CAMK4: variants seen among roughly 807,000 people sequenced by gnomAD.
CAMK4 encodes calcium/calmodulin dependent protein kinase IV.
CAMK4 carries 22 observed loss-of-function variants against 44.9 expected under a neutral mutation model. That is an observed-to-expected ratio of 0.49 (90% CI 0.35 to 0.70). The LOEUF (loss-of-function observed/expected upper bound fraction) is 0.70. CAMK4 is among the 30% of genes least tolerant of loss of function. The pLI, the probability that CAMK4 is intolerant of heterozygous loss-of-function variation, is 0.01. For synonymous variants in CAMK4, 218 were observed against 215.4 expected, an observed-to-expected ratio of 1.01 and a Z score of -0.11; for missense variants, 498 against 586.8, an observed-to-expected ratio of 0.85 and a Z score of 1.56.
At chr5:111,449,260 T>C (rs1232988986) in intron 7 of CAMK4, 57 bp downstream of exon 7, 2 of 802,194 alleles carry the variant, frequency 2.5e-6, no homozygotes. Context: ...GTATTTTTGT[T>C]TAGCAATCTC....
rs1028647736 is a variant in CAMK4, at chr5:111,270,704, T to C, written c.161+46060T>C. On this transcript the variant is annotated intron_variant, in intron 1 of 10. Coordinates refer to ENST00000282356, the MANE Select transcript of CAMK4 (RefSeq NM_001744.6). The stretch of plus-strand genomic sequence containing the variant: ...AAGTATTCCCCAATTCTATTCTTCA[T>C]GTCACCAGCCTGACAAAACTTCAAT... 5.3e-5 allele frequency among the ~76,000 whole-genome samples: 8 copies of C among 152,352 alleles called. No homozygotes were observed. In the South Asian group the frequency reaches 8.3e-4, roughly 16 times the overall value.
intron 9 of CAMK4, among the ~76,000 whole-genome samples, chr5:111,480,781 A>G (rs1467694685): frequency 1.3e-5 from 2 of 152,110 alleles, no homozygotes; most frequent in Admixed American, 6.5e-5. Context: ...ATATCAACTA[A>G]CTTAATAATA....
chr5:111,226,382 G>A (rs1410706915), intron 1 of CAMK4, among the ~76,000 whole-genome samples: 1 of 152,192 alleles, frequency 6.6e-6, no homozygotes, highest in Non-Finnish European at 1.5e-5. Flanking sequence ...ATTACGTGTT[G>A]CAGTAAATTT....
intron 1 of CAMK4, among the ~76,000 whole-genome samples, chr5:111,337,127 C>G (rs1749439643): frequency 6.6e-6 from 1 of 151,178 alleles, no homozygotes; most frequent in Non-Finnish European, 1.5e-5. Context: ...CAATCCCTCT[C>G]CAACCTGTGA....
chr5:111,332,059 A>G (rs1749189121), intron 1 of CAMK4, among the ~76,000 whole-genome samples: 1 of 151,500 alleles, frequency 6.6e-6, no homozygotes, highest in Admixed American at 6.6e-5. Context: ...GCTCACACCC[A>G]CACAATTTAA....
intron 1 of CAMK4, among the ~76,000 whole-genome samples, chr5:111,267,319 T>C (rs1750291829): frequency 6.6e-6 from 1 of 152,222 alleles, no homozygotes; most frequent in Non-Finnish European, 1.5e-5. Flanking sequence ...TTTCCTATTA[T>C]GTATATATTA....
intron 1 of CAMK4, among the ~76,000 whole-genome samples, chr5:111,261,283 C>T (rs752851706): frequency 3.9e-5 from 6 of 152,206 alleles, no homozygotes; most frequent in Admixed American, 3.3e-4. Flanking sequence ...CCTCTGTCGT[C>T]TTCCATCTTT....
At chr5:111,248,758 C>G (rs1434249267) in intron 1 of CAMK4, among the ~76,000 whole-genome samples, 1 of 152,056 alleles carries the variant, frequency 6.6e-6, no homozygotes, top group Non-Finnish European at 1.5e-5. Flanking sequence ...TGTAATATAT[C>G]AGTAATGTCA....
At chr5:111,422,201 A>G (rs1260543880) in intron 5 of CAMK4, among the ~76,000 whole-genome samples, 4 of 152,244 alleles carry the variant, frequency 2.6e-5, no homozygotes, top group African/African-American at 9.6e-5. Flanking sequence ...CCTTGCAGAA[A>G]TATGACACAA....
At chr5:111,463,585 C>A (rs115021810) in intron 7 of CAMK4, among the ~76,000 whole-genome samples, 4,242 of 152,284 alleles carry the variant, frequency 0.028, 200 homozygotes, top group African/African-American at 0.096. Flanking sequence ...CTCACAGAGT[C>A]CATTTCACTT....
chr5:111,448,869 T>C (rs1293287474), intron 6 of CAMK4, among the ~76,000 whole-genome samples: 2 of 152,122 alleles, frequency 1.3e-5, no homozygotes, highest in East Asian at 3.9e-4. Flanking sequence ...AAGCGGGGAA[T>C]TGTACAGAAG....
At chr5:111,409,755 T>C (rs554603527) in intron 5 of CAMK4, among the ~76,000 whole-genome samples, 1 of 152,316 alleles carries the variant, frequency 6.6e-6, no homozygotes, top group South Asian at 2.1e-4. Flanking sequence ...TCTCTCAAGT[T>C]CAAGGTTCCA....
chr5:111,401,211 C>A (rs993165198), intron 5 of CAMK4, among the ~76,000 whole-genome samples: 1 of 151,922 alleles, frequency 6.6e-6, no homozygotes, highest in Admixed American at 6.6e-5. Flanking sequence ...TGATCTTGGC[C>A]CACTGCAAGC....
At chr5:111,309,421 A>G (rs1337140385) in intron 1 of CAMK4, among the ~76,000 whole-genome samples, 1 of 152,150 alleles carries the variant, frequency 6.6e-6, no homozygotes, top group Non-Finnish European at 1.5e-5. Flanking sequence ...CCTCTCAAGG[A>G]GCCCTGGCCA....
rs560988142 is a variant in CAMK4, at chr5:111,314,618, G to A, written c.162-29406G>A. The stretch of plus-strand genomic sequence containing the variant: ...TAGTTAAAAATGTGCAGAAGCTAAT[G>A]AACCAATTAATTAGTTCCCACCAAT... On this transcript the variant is annotated intron_variant, in intron 1 of 10. Coordinates refer to ENST00000282356, the MANE Select transcript of CAMK4 (RefSeq NM_001744.6). 2.9e-3 allele frequency among the ~76,000 whole-genome samples: 440 copies of A among 152,134 alleles called. 2 individuals are homozygous for A. The highest frequency in any genetic ancestry group is 0.01 in the African/African-American group (427 of 41,542).
intron 4 of CAMK4, among the ~76,000 whole-genome samples, chr5:111,381,287 C>G (rs1751402507): frequency 6.6e-6 from 1 of 152,092 alleles, no homozygotes; most frequent in African/African-American, 2.4e-5. Flanking sequence ...CTCACGCAGT[C>G]ACAAGGTGAA....
At chr5:111,371,445 C>T (rs996455280) in intron 2 of CAMK4, among the ~76,000 whole-genome samples, 1 of 152,186 alleles carries the variant, frequency 6.6e-6, no homozygotes, top group Non-Finnish European at 1.5e-5. Context: ...CTTTCACTAT[C>T]TTCTGATAAC....
At chr5:111,425,589 G>C (rs940552718) in intron 5 of CAMK4, among the ~76,000 whole-genome samples, 6 of 152,180 alleles carry the variant, frequency 3.9e-5, no homozygotes, top group African/African-American at 1.4e-4. Context: ...ACTTTTTTAA[G>C]TACCAGGAAT....
intron 7 of CAMK4, among the ~76,000 whole-genome samples, chr5:111,465,173 C>T (rs977226904): frequency 6.6e-6 from 1 of 151,734 alleles, no homozygotes; most frequent in Non-Finnish European, 1.5e-5. Flanking sequence ...ATGGTGTTGC[C>T]TAAGGATCAC....
Sources: gnomAD v4.1 joint callset for allele counts (sites outside exome capture counted in the v4.1 genomes callset) on GRCh38, gnomAD v4.1.1 for gene constraint, MANE v1.5 for transcripts, NCBI Gene and HGNC (gene_info 2026-07-23, HGNC 2026-07-21) for gene names.